Variants in PTPRF observed in about 807,000 individuals in gnomAD.
PTPRF encodes the protein receptor-type tyrosine-protein phosphatase F.
PTPRF carries 59 observed loss-of-function variants against 201.8 expected under a neutral mutation model. The observed-to-expected ratio is 0.29, with a 90% CI of 0.24 to 0.36. PTPRF has a LOEUF of 0.36. Ranked by LOEUF, PTPRF falls within the 10% of genes least tolerant of loss-of-function variation. The pLI is 1.00. For synonymous variants in PTPRF, 1,088 were observed against 1,089.7 expected (o/e 1.00, Z 0.03); for missense variants, 2,132 against 2,690.5 (o/e 0.79, Z 4.59).
intron 22 of PTPRF, chr1:43,612,684 G>A (rs902526744): frequency 4.1e-6 from 5 of 1,213,142 alleles, no homozygotes; most frequent in East Asian, 5.2e-5. Context: ...GTGTGTGATG[G>A]TGCTGTAAGC....
At chr1:43,527,012 C>T (rs1643144446), upstream of PTPRF, among the ~76,000 whole-genome samples, 1 of 152,208 alleles carries the variant, frequency 6.6e-6, no homozygotes, top group South Asian at 2.1e-4. Context: ...GGAAATCTTG[C>T]TGATCTGATG....
chr1:43,593,167 G>A lies in PTPRF; in HGVS notation c.1813+566G>A, dbSNP rs554983431. ...TGCCTTGAATTGTGACCACGTGGCC[G>A]TGCAGGGGACTGTCTGCAAGGCTGT... On this transcript the variant is annotated intron_variant, in intron 11 of 33. Coordinates refer to ENST00000359947, the MANE Select transcript of PTPRF (RefSeq NM_002840.5). Among the ~76,000 whole-genome samples, 20 of 150,432 alleles carry A rather than the reference G, an allele frequency of 1.3e-4. 2 individuals carry two copies. In the Middle Eastern group the frequency reaches 0.014, roughly 103 times the overall value.
chr1:43,602,228 A>G (rs1653937045), intron 14 of PTPRF, 131 bp downstream of exon 14: 2 of 1,171,524 alleles, frequency 1.7e-6, no homozygotes, highest in Non-Finnish European at 1.3e-6. Flanking sequence ...TCAGGAGAAA[A>G]TTGGCGTTTA....
At chr1:43,578,532 G>A (rs1647087767) in intron 6 of PTPRF, among the ~76,000 whole-genome samples, 1 of 152,206 alleles carries the variant, frequency 6.6e-6, no homozygotes, top group Non-Finnish European at 1.5e-5. Flanking sequence ...GAATGGAGCT[G>A]GGGGTTGGGG....
At chr1:43,602,330 C>T (rs1016907140) in intron 14 of PTPRF, among the ~76,000 whole-genome samples, 1 of 152,258 alleles carries the variant, frequency 6.6e-6, no homozygotes, top group African/African-American at 2.4e-5. Context: ...TGTTCATGAT[C>T]GACCAGGGCC....
Position 43,545,214 on chromosome 1 carries a change from A to G in PTPRF, c.91+48A>G, listed in dbSNP as rs189332496. On this transcript the variant is annotated intron_variant, in intron 3 of 33. Transcript: ENST00000359947. ...CAGATCTCCCAGGTTGAAAGGTGGC[A>G]TCCTTCCCAGCAGGACTCTGGGATG... The G allele has an allele frequency of 5.5e-4, 837 of 1,533,628 alleles. 7 individuals are homozygous for G. In the African/African-American group the frequency reaches 0.01, roughly 19 times the overall value.
intron 5 of PTPRF, among the ~76,000 whole-genome samples, chr1:43,556,230 TTTTG>T (rs1266917812): frequency 1.3e-5 from 2 of 152,144 alleles, no homozygotes; most frequent in African/African-American, 2.4e-5. Context: ...CAGTTACTCT[TTTTG>T]TTGTTGTTGT....
At chr1:43,596,019 G>T (rs531853282) in intron 11 of PTPRF, among the ~76,000 whole-genome samples, 2 of 152,266 alleles carry the variant, frequency 1.3e-5, no homozygotes, top group South Asian at 4.1e-4. Context: ...GAAGGAGGGG[G>T]AGAGCTGGAT....
chr1:43,598,090 T>A (rs1307796269), intron 12 of PTPRF, 37 bp downstream of exon 12: 4 of 1,440,672 alleles, frequency 2.8e-6, no homozygotes, highest in Non-Finnish European at 9.1e-7. Flanking sequence ...GGAGGCGTTC[T>A]GCCTCAGACA....
Position 43,604,047 on chromosome 1 carries a change from G to A in PTPRF, c.2895G>A (p.Gln965=). ...ACATCAACAGCCAACAGGAGCTGCA[G>A]AACATCACGACAGACACCCGCTTTA... is the stretch of plus-strand genomic sequence containing the variant. The part of the protein sequence containing the change: ...FRDINSQQEL[Q]NITTDTRFTL... The change falls in exon 16 of 34, where the codon CAG becomes CAA. Residue 965 remains glutamine, a synonymous_variant. Coordinates refer to ENST00000359947, the MANE Select transcript of PTPRF (RefSeq NM_002840.5). 1 of 1,614,256 alleles carries A rather than the reference G, an allele frequency of 6.2e-7. No homozygotes were observed. The highest frequency in any genetic ancestry group is 1.1e-5 in the South Asian group (1 of 91,084).
At chr1:43,608,767 CTTT>C (rs998973223) in intron 21 of PTPRF, among the ~76,000 whole-genome samples, 14 of 152,206 alleles carry the variant, frequency 9.2e-5, no homozygotes, top group Admixed American at 8.5e-4. Flanking sequence ...TCAAATTCTT[CTTT>C]CCGAAGCACA....
chr1:43,541,069 C>A (rs1395577028), intron 2 of PTPRF, among the ~76,000 whole-genome samples: 1 of 152,260 alleles, frequency 6.6e-6, no homozygotes, highest in African/African-American at 2.4e-5. Flanking sequence ...AGGCTCTTCC[C>A]TTCCTGTTGC....
chr1:43,564,417 G>A (rs981070853), intron 5 of PTPRF, among the ~76,000 whole-genome samples: 16 of 152,296 alleles, frequency 1.1e-4, no homozygotes, highest in African/African-American at 3.9e-4. Flanking sequence ...CCAGGCGCAC[G>A]TGTTTTGGCA....
chr1:43,569,520 G>T, intron 5 of PTPRF, 70 bp from the exon 6 acceptor site: 1 of 1,471,252 alleles, frequency 6.8e-7, no homozygotes, highest in Non-Finnish European at 9.1e-7. Flanking sequence ...AGTTGGGGAG[G>T]TTACCCCCAG....
intron 31 of PTPRF, 128 bp downstream of exon 31, chr1:43,620,707 C>T (rs1325022905): frequency 2.0e-6 from 3 of 1,522,310 alleles, no homozygotes; most frequent in Non-Finnish European, 2.7e-6. Flanking sequence ...GGTGTGAGCA[C>T]ATCTCCCCCT....
intron 5 of PTPRF, among the ~76,000 whole-genome samples, chr1:43,555,742 C>G (rs1439040591): frequency 2.0e-5 from 3 of 152,178 alleles, no homozygotes; most frequent in East Asian, 1.9e-4. Flanking sequence ...CCACGTCCAG[C>G]CTGTATCATT....
In PTPRF at chr1:43,603,583, C is replaced by T. The variant is rs199764807; in HGVS notation, c.2459-28C>T. 1.1e-5 allele frequency: 18 copies of T among 1,612,026 alleles called. No homozygotes were observed. Among genetic ancestry groups the T allele is most frequent in the Middle Eastern group, 1.7e-4 (1 of 6,060 alleles). On this transcript the variant is annotated intron_variant, in intron 15 of 33. Transcript: ENST00000359947. The surrounding 1 kb of genome is among the most constrained non-coding windows in gnomAD (Gnocchi z 5.8). Reference sequence around the variant, plus strand: ...TGAGGGTGGGGCAGCAGGAGGGCAGCGCCAGAGCCCAGCCCGTGGTCCTTC... The same window carrying T: ...TGAGGGTGGGGCAGCAGGAGGGCAGTGCCAGAGCCCAGCCCGTGGTCCTTC...
rs149631481 is a variant in PTPRF, at chr1:43,543,513, G to A, written c.-45-1518G>A. On this transcript the variant is annotated intron_variant, in intron 2 of 33. Transcript: ENST00000359947. ...TGTCTCAGATTTTTGGTGGGATCCT[G>A]GGACAGGGGACAACTCTCACCCCTT... 3.4e-3 allele frequency among the ~76,000 whole-genome samples: 520 copies of A among 152,286 alleles called. 7 individuals carry two copies. Among genetic ancestry groups the A allele is most frequent in the African/African-American group, 0.012 (488 of 41,540 alleles).
intron 5 of PTPRF, among the ~76,000 whole-genome samples, chr1:43,558,399 A>T (rs1200213945): frequency 6.6e-6 from 1 of 151,464 alleles, no homozygotes; most frequent in Non-Finnish European, 1.5e-5. Flanking sequence ...GTGCCCCCCC[A>T]AATCCCCCAC....
Sources: allele counts gnomAD v4.1 joint callset (sites outside exome capture counted in the v4.1 genomes callset), GRCh38; gene constraint gnomAD v4.1.1; non-coding constraint Gnocchi (gnomAD v3.1); transcripts MANE v1.5; gene names NCBI Gene and HGNC (gene_info 2026-07-23, HGNC 2026-07-21).